Variants in OSMR observed in about 807,000 individuals in gnomAD.
OSMR encodes oncostatin M receptor.
A neutral mutation model predicts 99.9 loss-of-function variants in OSMR; 81 were observed. The ratio of observed to expected loss-of-function variants is 0.81; its 90% confidence interval spans 0.68 to 0.97. The LOEUF (loss-of-function observed/expected upper bound fraction) is 0.97, where lower values mean the gene tolerates loss of function less well. Ranked by LOEUF, OSMR falls within the 50% of genes least tolerant of loss-of-function variation. The pLI is 0.00. For missense variants in OSMR, 1,099 were observed against 1,153.4 expected, an observed-to-expected ratio of 0.95 and a Z score of 0.68; for synonymous variants, 406 against 410.4, an observed-to-expected ratio of 0.99 and a Z score of 0.13.
chr5:38,939,534 T>C (rs945601056), downstream of OSMR: 1 of 231,858 alleles, frequency 4.3e-6, no homozygotes, highest in South Asian at 1.8e-4. Context: ...TTATGAATAC[T>C]AAATTTCTAA....
At chr5:38,915,391 AGTTT>A (rs1745837439) in intron 9 of OSMR, among the ~76,000 whole-genome samples, 2 of 152,238 alleles carry the variant, frequency 1.3e-5, no homozygotes, top group Admixed American at 1.3e-4. Flanking sequence ...ATTAAAATAA[AGTTT>A]GTGATTTGGC....
Position 38,921,734 on chromosome 5 carries a change from C to T in OSMR, c.1705C>T (p.Leu569Phe). Residue 569 changes from leucine (L) to phenylalanine (F), a missense_variant, in exon 12 of 18, where the codon CTC becomes TTC. Physicochemically the swap from Leu to Phe is conservative, Grantham distance 22. Transcript: ENST00000274276. ...VDWCDHTQDV[L>F]GDFQWKNVGP... ...CTGGTGTGACCATACCCAGGATGTG[C>T]TCGGTGATTTCCAGTGGAAGAATGT... 6.2e-7 allele frequency: 1 copy of T among 1,614,082 alleles called. No individual in the cohort carries two copies. The highest frequency in any genetic ancestry group is 2.2e-5 in the East Asian group (1 of 44,870).
At chr5:38,897,638 A>G (rs895753014) in intron 7 of OSMR, among the ~76,000 whole-genome samples, 1 of 151,434 alleles carries the variant, frequency 6.6e-6, no homozygotes, top group African/African-American at 2.4e-5. Context: ...CATTTATTTC[A>G]TCTCCAATCT....
At chr5:38,945,426 GAAAAGTA>G (rs929330100), downstream of OSMR, 4 of 1,151,968 alleles carry the variant, frequency 3.5e-6, no homozygotes, top group Admixed American at 4.4e-5. Context: ...AAGAAATTTG[GAAAAGTA>G]AACCAGAGAA....
chr5:38,940,049 A>AC (rs1747368838), downstream of OSMR: 3 of 221,256 alleles, frequency 1.4e-5, no homozygotes, highest in East Asian at 1.9e-4. Flanking sequence ...ACTGATAACC[A>AC]CAAAGCTCTG....
chr5:38,923,941 CT>C (rs927919445), intron 13 of OSMR, among the ~76,000 whole-genome samples: 29 of 152,270 alleles, frequency 1.9e-4, no homozygotes, highest in African/African-American at 6.7e-4. Context: ...TTCAGTGACA[CT>C]TGGATAAGTG....
rs1010288885 is a variant in OSMR at position 38,919,408 on chromosome 5, T to C, written c.1585+346T>C. 3.3e-6 allele frequency: 4 copies of C among 1,226,964 alleles called. No homozygotes were observed. The South Asian group carries it at 3.9e-5, about 12-fold the overall frequency. 76.0% of individuals were successfully genotyped at this position (1,226,964 alleles called of 1,614,324 possible). A position where few individuals can be genotyped will look rare whatever the true frequency, so the allele number is the denominator to read the frequency against. On this transcript the variant is annotated intron_variant, in intron 11 of 17. Transcript: ENST00000274276. ...TTTATGATCTTTGTGGCTTGTGAAATAGGAATTGCATTTACTATTTTGTAA... is the reference window on the plus strand; with the variant it reads ...TTTATGATCTTTGTGGCTTGTGAAACAGGAATTGCATTTACTATTTTGTAA...
chr5:38,898,030 A>G (rs1488743639), intron 7 of OSMR, among the ~76,000 whole-genome samples: 6 of 152,196 alleles, frequency 3.9e-5, no homozygotes, highest in Non-Finnish European at 7.4e-5. Flanking sequence ...CATATAATCT[A>G]TCCTTGAAAG....
intron 9 of OSMR, among the ~76,000 whole-genome samples, chr5:38,907,373 T>C (rs1579760111): frequency 6.6e-6 from 1 of 152,148 alleles, no homozygotes; most frequent in Non-Finnish European, 1.5e-5. Flanking sequence ...AGAGAGGTAG[T>C]AGGAATAGAG....
Position 38,883,818 on chromosome 5 carries a change from T to C in OSMR, c.419-9T>C, listed in dbSNP as rs2112386298. On this transcript the variant is annotated splice_polypyrimidine_tract_variant and intron_variant, in intron 4 of 17. Transcript: ENST00000274276. Reference sequence around the variant, plus strand: ...GCGATTCTAACTTGGCTATTTTTTTTTCTTGCAGTACAAGATTCTACTGGA... The same window carrying C: ...GCGATTCTAACTTGGCTATTTTTTTCTCTTGCAGTACAAGATTCTACTGGA... 6.2e-7 allele frequency: 1 copy of C among 1,612,404 alleles called. No homozygotes were observed. The highest frequency in any genetic ancestry group is 1.1e-5 in the South Asian group (1 of 91,002).
At chr5:38,907,260 G>T (rs1561390625) in intron 9 of OSMR, among the ~76,000 whole-genome samples, 1 of 152,228 alleles carries the variant, frequency 6.6e-6, no homozygotes, top group Non-Finnish European at 1.5e-5. Context: ...TCCTGGGGAA[G>T]GGGTTGAACA....
At position 38,885,329 on chromosome 5, in the gene OSMR, G is replaced by C. The variant is rs767810014; in HGVS notation, c.704-20G>C. ...CCAATAAAAAGATTTAACTAGGTCTGTTTTCCTTTGTATGGACAGAAGTAC... is the reference window on the plus strand; with the variant it reads ...CCAATAAAAAGATTTAACTAGGTCTCTTTTCCTTTGTATGGACAGAAGTAC... On this transcript the variant is annotated intron_variant, in intron 5 of 17. Transcript: ENST00000274276. The C allele has an allele frequency of 2.0e-5, 33 of 1,613,378 alleles. No homozygotes were observed. In the South Asian group the frequency reaches 2.2e-4, roughly 11 times the overall value.
chr5:38,876,364 C>T lies in OSMR; in HGVS notation c.237C>T (p.Val79=), dbSNP rs770109644. 7 of 1,612,314 alleles carry T rather than the reference C, an allele frequency of 4.3e-6. No individual in the cohort carries two copies. The South Asian group carries it at 7.7e-5, about 18-fold the overall frequency. Residue 79 remains valine (V), a synonymous_variant, in exon 3 of 18, where the codon GTC becomes GTT. Transcript: ENST00000274276. ...IQISRIETSN[V]IWVGNYSTTV... ...TCAGTAGGATTGAAACATCCAATGTCATCTGGGTGGTAAGTAATTTTTTTG... is the reference window on the plus strand; with the variant it reads ...TCAGTAGGATTGAAACATCCAATGTTATCTGGGTGGTAAGTAATTTTTTTG...
rs758860012 is a variant in OSMR at position 38,924,399 on chromosome 5, C to T, written c.1871-23C>T. 6 of 1,614,008 alleles carry T rather than the reference C, an allele frequency of 3.7e-6. No homozygotes were observed. In the South Asian group the frequency reaches 6.6e-5, roughly 18 times the overall value. ...ACTGTTTCCAAATCATGACTTTTCT[C>T]TTATCCCAACTTCTTTTCCTAGCTC... On this transcript the variant is annotated intron_variant, in intron 13 of 17. Transcript: ENST00000274276.
chr5:38,945,141 A>G, downstream of OSMR: 2 of 1,042,090 alleles, frequency 1.9e-6, no homozygotes, highest in Non-Finnish European at 2.8e-6. Context: ...TGCATGCTAA[A>G]AAGAAATAAT....
chr5:38,875,291 T>G (rs1742725896), intron 2 of OSMR, among the ~76,000 whole-genome samples: 1 of 152,220 alleles, frequency 6.6e-6, no homozygotes, highest in Non-Finnish European at 1.5e-5. Flanking sequence ...ATATGGTGTT[T>G]TCCTCCTCTT....
chr5:38,939,281 A>G, downstream of OSMR: 1 of 232,684 alleles, frequency 4.3e-6, no homozygotes, highest in Non-Finnish European at 8.5e-6. Context: ...AATTATCTCA[A>G]GCTCTAGATA....
intron 11 of OSMR, chr5:38,919,632 T>A (rs1448848975): frequency 1.0e-5 from 3 of 286,036 alleles, no homozygotes; most frequent in Non-Finnish European, 2.0e-5. Flanking sequence ...AATTTCCTTC[T>A]TAGCCATAAA....
In OSMR at chr5:38,904,451, C is replaced by A. The variant is rs766371296; in HGVS notation, c.1233C>A (p.His411Gln). 1 of 1,614,152 alleles carries A rather than the reference C, an allele frequency of 6.2e-7. No homozygotes were observed. Among genetic ancestry groups the A allele is most frequent in the Non-Finnish European group, 8.5e-7 (1 of 1,180,042 alleles). Reference sequence around the variant, plus strand: ...GAGTACGGTGTGCTGATGCCAGCCACTTCTGGAAATGGAGTGAATGGAGTG... The same window carrying A: ...GAGTACGGTGTGCTGATGCCAGCCAATTCTGGAAATGGAGTGAATGGAGTG... ...MARVRCADAS[H>Q]FWKWSEWSGQ... The change falls in exon 9 of 18, where the codon CAC (histidine) becomes CAA (glutamine). Residue 411 changes from histidine to glutamine, a missense_variant. Transcript: ENST00000274276.
Sources: allele counts gnomAD v4.1 joint callset (sites outside exome capture counted in the v4.1 genomes callset), GRCh38; gene constraint gnomAD v4.1.1; transcripts MANE v1.5; gene names NCBI Gene and HGNC (gene_info 2026-07-23, HGNC 2026-07-21).